KAZN: variants seen among roughly 807,000 people sequenced by gnomAD.
KAZN encodes kazrin, periplakin interacting protein.
A neutral mutation model predicts 87.4 loss-of-function variants in KAZN; 40 were observed. The observed-to-expected ratio is 0.46, with a 90% CI of 0.36 to 0.60. The LOEUF is 0.60. Among genes scored for constraint, KAZN ranks in the 20% least tolerant of loss-of-function variants. KAZN has a pLI of 0.00. For missense variants in KAZN, 898 were observed against 1,073.9 expected (o/e 0.84, Z 2.29); for synonymous variants, 466 against 458.3 (o/e 1.02, Z -0.22).
chr1:13,992,809 C>T (rs1002027182), intron 1 of KAZN, among the ~76,000 whole-genome samples: 4 of 152,160 alleles, frequency 2.6e-5, no homozygotes, highest in African/African-American at 4.8e-5. Context: ...AGGAGAAAAA[C>T]CAGCTCATCT....
chr1:14,421,257 G>A (rs1035024636), intron 2 of KAZN, among the ~76,000 whole-genome samples: 3 of 152,128 alleles, frequency 2.0e-5, no homozygotes, highest in Non-Finnish European at 4.4e-5. Flanking sequence ...GAGTGATGGG[G>A]GGAATGGTTC....
At chr1:13,955,895 AGAGGGTTACAGCC>A (rs1641526001) in intron 1 of KAZN, among the ~76,000 whole-genome samples, 1 of 152,140 alleles carries the variant, frequency 6.6e-6, no homozygotes, top group Admixed American at 6.5e-5. Flanking sequence ...CATCTTCTCC[AGAGGGTTACAGCC>A]TGCGGCCCAT....
intron 1 of KAZN, among the ~76,000 whole-genome samples, chr1:14,828,333 A>G (rs1222590535): frequency 6.6e-6 from 1 of 152,210 alleles, no homozygotes; most frequent in Admixed American, 6.5e-5. Flanking sequence ...CAATTGTTTT[A>G]TTTTCGTCCT....
intron 1 of KAZN, among the ~76,000 whole-genome samples, chr1:14,929,009 C>G (rs1659494830): frequency 6.6e-6 from 1 of 152,234 alleles, no homozygotes; most frequent in African/African-American, 2.4e-5. Context: ...GTCAGCTCTG[C>G]TCCTTACTAG....
chr1:14,406,558 G>A (rs1332404110), intron 2 of KAZN, among the ~76,000 whole-genome samples: 1 of 152,102 alleles, frequency 6.6e-6, no homozygotes, highest in Admixed American at 6.6e-5. Context: ...TGGGAGGGGG[G>A]TGAGGGATAA....
intron 1 of KAZN, among the ~76,000 whole-genome samples, chr1:14,044,921 C>G (rs1391350223): frequency 6.6e-6 from 1 of 152,036 alleles, no homozygotes; most frequent in Admixed American, 6.5e-5. Flanking sequence ...CGGGGTAGAT[C>G]AGACCACATA....
At chr1:14,720,955 G>T (rs892569173) in intron 1 of KAZN, among the ~76,000 whole-genome samples, 1 of 152,168 alleles carries the variant, frequency 6.6e-6, no homozygotes, top group African/African-American at 2.4e-5. Flanking sequence ...TTGCCATCAG[G>T]TGACCTGATG....
chr1:14,179,036 A>T (rs1479798684), intron 1 of KAZN, among the ~76,000 whole-genome samples: 1 of 151,952 alleles, frequency 6.6e-6, no homozygotes, highest in African/African-American at 2.4e-5. Context: ...TGGACACGTG[A>T]TCTCTTGAAA....
At chr1:15,109,708 C>A (rs77074034) in intron 13 of KAZN, among the ~76,000 whole-genome samples, 7,700 of 147,904 alleles carry the variant, frequency 0.052, 221 homozygotes, top group Middle Eastern at 0.07. Flanking sequence ...TGTGTATGAG[C>A]GTGTTTGTGT....
intron 2 of KAZN, among the ~76,000 whole-genome samples, chr1:14,433,759 C>T (rs1666217102): frequency 6.6e-6 from 1 of 152,160 alleles, no homozygotes. Flanking sequence ...ACTCGGGAGG[C>T]TAAGGCAGGA....
rs531043748 is a variant in KAZN, at chr1:13,943,579, A to G, written c.91+49823A>G. 3.3e-5 allele frequency among the ~76,000 whole-genome samples: 5 copies of G among 152,284 alleles called. No individual in the cohort carries two copies. In the South Asian group the frequency reaches 8.3e-4, roughly 25 times the overall value. ...TCTAGAGAATGTATTCTAAAATACT[A>G]AAAGAAATCTACCAAAGGGAGTTTT... On this transcript the variant is annotated intron_variant, in intron 1 of 16. Transcript: ENST00000636203.
At chr1:15,011,589 T>C (rs1037479426) in intron 2 of KAZN, among the ~76,000 whole-genome samples, 1 of 150,654 alleles carries the variant, frequency 6.6e-6, no homozygotes, top group Admixed American at 6.6e-5. Context: ...ACTTATTGCA[T>C]TGATTACTGC....
chr1:14,687,830 G>C (rs749768026), intron 1 of KAZN, among the ~76,000 whole-genome samples: 3 of 152,154 alleles, frequency 2.0e-5, no homozygotes, highest in Non-Finnish European at 4.4e-5. Flanking sequence ...ATTCTGTTCT[G>C]CAGTTTTAAT....
At chr1:14,343,163 CAA>C (rs766080584) in intron 2 of KAZN, among the ~76,000 whole-genome samples, 28 of 152,064 alleles carry the variant, frequency 1.8e-4, no homozygotes, top group Non-Finnish European at 3.5e-4. Context: ...AACAAACAAA[CAA>C]ACAACAAAAA....
intron 2 of KAZN, among the ~76,000 whole-genome samples, chr1:14,468,380 C>T (rs776723850): frequency 1.3e-5 from 2 of 152,154 alleles, no homozygotes; most frequent in Non-Finnish European, 2.9e-5. Flanking sequence ...CCCGGTCTTA[C>T]TCAAGCCATG....
At chr1:13,924,955 A>G (rs552246040) in intron 1 of KAZN, among the ~76,000 whole-genome samples, 13 of 152,284 alleles carry the variant, frequency 8.5e-5, no homozygotes, top group Non-Finnish European at 1.8e-4. Context: ...CACCCATTTG[A>G]CGTGTACAAT....
At chr1:14,629,789 A>G (rs1679427675) in intron 1 of KAZN, among the ~76,000 whole-genome samples, 1 of 152,140 alleles carries the variant, frequency 6.6e-6, no homozygotes, top group African/African-American at 2.4e-5. Flanking sequence ...GGGAGGCACT[A>G]GGGCCGGGTT....
chr1:15,100,263 C>T (rs190445326), intron 10 of KAZN, among the ~76,000 whole-genome samples: 109 of 152,226 alleles, frequency 7.2e-4, no homozygotes, highest in Admixed American at 2.7e-3. Flanking sequence ...AGGGTGGTCA[C>T]GGGATGCTGA....
At chr1:14,421,682 G>A (rs189523173) in intron 2 of KAZN, among the ~76,000 whole-genome samples, 15 of 152,208 alleles carry the variant, frequency 9.9e-5, no homozygotes, top group East Asian at 1.9e-4. Flanking sequence ...TTGAACAAGC[G>A]TCTTTATTCA....
Sources: allele counts gnomAD v4.1 joint callset (sites outside exome capture counted in the v4.1 genomes callset), GRCh38; gene constraint gnomAD v4.1.1; transcripts MANE v1.5; gene names NCBI Gene and HGNC (gene_info 2026-07-23, HGNC 2026-07-21).